MCF2L: variants seen among roughly 807,000 people sequenced by gnomAD.
MCF2L encodes guanine nucleotide exchange factor DBS.
In MCF2L, 97 loss-of-function variants were observed where a neutral mutation model predicts 153.4. That is an observed-to-expected ratio of 0.63 (90% CI 0.54 to 0.75). The LOEUF is 0.75. MCF2L is among the 30% of genes least tolerant of loss of function. The pLI is 0.00. For missense variants in MCF2L, 1,347 were observed against 1,495.2 expected (o/e 0.90, Z 1.64); for synonymous variants, 659 against 632.2 (o/e 1.04, Z -0.64).
At chr13:112,999,072 G>GC (rs904164741) in intron 1 of MCF2L, among the ~76,000 whole-genome samples, 13 of 152,222 alleles carry the variant, frequency 8.5e-5, no homozygotes, top group Non-Finnish European at 1.5e-4. Flanking sequence ...CATTACTGTG[G>GC]CCCCCCAGGG....
intron 4 of MCF2L, among the ~76,000 whole-genome samples, chr13:113,048,779 A>G (rs1015428179): frequency 6.6e-6 from 1 of 152,164 alleles, no homozygotes; most frequent in African/African-American, 2.4e-5. Context: ...TGTAGTTAGC[A>G]CGTCCTGAGG....
rs1405613064 is a variant in MCF2L at position 112,943,979 on chromosome 13, G to A, written c.169+41608G>A. Among the ~76,000 whole-genome samples the A allele has an allele frequency of 2.0e-5, 3 of 147,058 alleles. No individual in the cohort carries two copies. Among genetic ancestry groups the A allele is most frequent in the Admixed American group, 6.6e-5 (1 of 15,114 alleles). On this transcript the variant is annotated intron_variant, in intron 2 of 29. Coordinates refer to the MCF2L transcript ENST00000375608. This position sits in a 1 kb window ranked among gnomAD's most constrained non-coding sequence, Gnocchi z 4.2. ...GCAGAGAGGGTCCCGGGCCGTGAGG[G>A]GAGGGTCCCGGGTGAGGGGAGGGTC...
At chr13:113,055,372 C>CCT (rs1566811257) in intron 4 of MCF2L, among the ~76,000 whole-genome samples, 1 of 58,754 alleles carries the variant, frequency 1.7e-5, no homozygotes, top group Non-Finnish European at 3.5e-5. Context: ...GACGTGGACC[C>CCT]CCCCCCCCGC....
intron 3 of MCF2L, among the ~76,000 whole-genome samples, chr13:113,037,829 C>T (rs116767180): frequency 7.1e-4 from 108 of 152,078 alleles, no homozygotes; most frequent in African/African-American, 2.6e-3. Context: ...ACCAGGCAGA[C>T]AACAAGACAA....
intron 9 of MCF2L, among the ~76,000 whole-genome samples, chr13:113,072,872 A>C (rs1332670730): frequency 6.6e-6 from 1 of 152,072 alleles, no homozygotes; most frequent in Non-Finnish European, 1.5e-5. Context: ...TTATTTCTAC[A>C]AATTGCTTTG....
chr13:113,057,459 TTTGGCAC>T (rs2141701802), intron 4 of MCF2L, among the ~76,000 whole-genome samples: 1 of 141,348 alleles, frequency 7.1e-6, no homozygotes, highest in African/African-American at 2.7e-5. Flanking sequence ...TGCTGAGTGT[TTTGGCAC>T]TGGGTGCTGA....
chr13:113,096,370 G>A lies in MCF2L; in HGVS notation c.3076-1G>A. 1 of 1,570,942 alleles carries A rather than the reference G, an allele frequency of 6.4e-7. No homozygotes were observed. The highest frequency in any genetic ancestry group is 8.6e-7 in the Non-Finnish European group (1 of 1,158,750). ...CTGTGCCCCTGCCCGTCTCCCACCAGGTTCCAGGTAAATACACGGTCGTGG... is the reference window on the plus strand; with the variant it reads ...CTGTGCCCCTGCCCGTCTCCCACCAAGTTCCAGGTAAATACACGGTCGTGG... On this transcript the variant is annotated splice_acceptor_variant, in intron 27 of 29. Coordinates refer to ENST00000535094, the MANE Select transcript of MCF2L (RefSeq NM_001112732.3). LOFTEE classifies it high-confidence loss of function.
intron 2 of MCF2L, among the ~76,000 whole-genome samples, chr13:113,023,250 T>G (rs1256573897): frequency 6.6e-6 from 1 of 152,192 alleles, no homozygotes; most frequent in African/African-American, 2.4e-5. Context: ...TATGCTTGTG[T>G]GACGTCCTGG....
At chr13:112,970,673 G>A (rs183314688) in intron 1 of MCF2L, among the ~76,000 whole-genome samples, 1 of 152,088 alleles carries the variant, frequency 6.6e-6, no homozygotes, top group Admixed American at 6.5e-5. Context: ...ATGCCTCTGC[G>A]TGCCGTTCGG....
chr13:113,039,830 C>T (rs6577025), intron 3 of MCF2L, among the ~76,000 whole-genome samples: 41,611 of 152,054 alleles, frequency 0.27, 5,834 homozygotes, highest in Middle Eastern at 0.36. Flanking sequence ...CCAGAAGTCA[C>T]GTGCATTTCT....
chr13:112,993,141 G>T lies in MCF2L; in HGVS notation c.80-21622G>T, dbSNP rs1011417090. Among the ~76,000 whole-genome samples, 11 of 152,234 alleles carry T rather than the reference G, an allele frequency of 7.2e-5. No individual in the cohort carries two copies. Among genetic ancestry groups the T allele is most frequent in the African/African-American group, 1.9e-4 (8 of 41,456 alleles). On this transcript the variant is annotated intron_variant, in intron 1 of 29. Coordinates refer to ENST00000535094, the MANE Select transcript of MCF2L (RefSeq NM_001112732.3). This position sits in a 1 kb window ranked among gnomAD's most constrained non-coding sequence, Gnocchi z 4.6. ...GCGCTGCCGCGGAGGGAGAGGTAGCGCGGGGCATGGGGAGGCCACAGAGAG... is the reference window on the plus strand; with the variant it reads ...GCGCTGCCGCGGAGGGAGAGGTAGCTCGGGGCATGGGGAGGCCACAGAGAG...
chr13:113,076,418 C>G (rs769483991), intron 12 of MCF2L, among the ~76,000 whole-genome samples: 2 of 152,154 alleles, frequency 1.3e-5, no homozygotes, highest in Non-Finnish European at 2.9e-5. Context: ...GCGCCCACCA[C>G]CAAGCCTGGC....
chr13:112,964,562 G>A (rs77968135), upstream of MCF2L, among the ~76,000 whole-genome samples: 1,601 of 152,328 alleles, frequency 0.011, 5 homozygotes, highest in Non-Finnish European at 0.016. Flanking sequence ...ATCTCTACTT[G>A]TAGGAAATTA....
At position 112,969,274 on chromosome 13, in the gene MCF2L, C is replaced by T; in HGVS notation, c.-106C>T. On this transcript the variant is annotated 5_prime_UTR_variant, in exon 1 of 30. Coordinates refer to ENST00000535094, the MANE Select transcript of MCF2L (RefSeq NM_001112732.3). The surrounding 1 kb of genome is among the most constrained non-coding windows in gnomAD (Gnocchi z 4.8). ...AGGCTGAAAGCGCTGCCGTGGCCCC[C>T]TCCCCGCCTCCGCCGCGCCCCCTCC... The T allele has an allele frequency of 6.7e-7, 1 of 1,494,176 alleles. No individual in the cohort carries two copies. Among genetic ancestry groups the T allele is most frequent in the African/African-American group, 1.4e-5 (1 of 71,548 alleles). 92.6% of individuals were successfully genotyped at this position (1,494,176 alleles called of 1,614,324 possible). A position where few individuals can be genotyped will look rare whatever the true frequency, so the allele number is the denominator to read the frequency against.
In MCF2L at chr13:113,099,423, T is replaced by C. The variant is rs1001969127; in HGVS notation, c.*2564T>C. ...CTCACGGGATGCGGGCAGTCTGCTC[T>C]CTAGAACTGGACAGCGTGCACAGAG... On this transcript the variant is annotated 3_prime_UTR_variant, in exon 30 of 30. Coordinates refer to ENST00000535094, the MANE Select transcript of MCF2L (RefSeq NM_001112732.3). 2 of 152,214 alleles carry C rather than the reference T, an allele frequency of 1.3e-5. No individual in the cohort carries two copies. Among genetic ancestry groups the C allele is most frequent in the Non-Finnish European group, 2.9e-5 (2 of 68,044 alleles). 9.4% of individuals were successfully genotyped at this position (152,214 alleles called of 1,614,324 possible).
At chr13:112,901,015 T>A (rs2081114751) in intron 1 of MCF2L, among the ~76,000 whole-genome samples, 2 of 152,092 alleles carry the variant, frequency 1.3e-5, no homozygotes, top group African/African-American at 4.8e-5. Context: ...AGGCGGCCCC[T>A]TCCCAGGGGA....
intron 20 of MCF2L, among the ~76,000 whole-genome samples, chr13:113,085,380 AG>A (rs1195701253): frequency 6.6e-6 from 1 of 152,134 alleles, no homozygotes; most frequent in Non-Finnish European, 1.5e-5. Context: ...TGAGCAGACG[AG>A]TCCCCGTCCC....
At chr13:112,914,672 C>T (rs72661905) in intron 2 of MCF2L, among the ~76,000 whole-genome samples, 21,394 of 152,218 alleles carry the variant, frequency 0.14, 1,882 homozygotes, top group South Asian at 0.25. Flanking sequence ...AGCTGCTCTC[C>T]CAATGCAGAC....
At chr13:112,902,508 C>T in intron 2 of MCF2L, 1 of 932,658 alleles carries the variant, frequency 1.1e-6, no homozygotes, top group Non-Finnish European at 1.5e-6. Context: ...CCCCAGGTAG[C>T]AGGCTGTGGG....
Sources: gnomAD v4.1 joint callset for allele counts (sites outside exome capture counted in the v4.1 genomes callset) on GRCh38, gnomAD v4.1.1 for gene constraint, Gnocchi (gnomAD v3.1) non-coding constraint, MANE v1.5 for transcripts, NCBI Gene and HGNC (gene_info 2026-07-23, HGNC 2026-07-21) for gene names.